The following KCNAB1 variants were observed in gnomAD, a reference collection of about 807,000 sequenced individuals.
The protein encoded by KCNAB1 is potassium voltage-gated channel subfamily A regulatory beta subunit 1.
KCNAB1 carries 35 observed loss-of-function variants against 64.6 expected under a neutral mutation model. The ratio of observed to expected loss-of-function variants is 0.54; its 90% confidence interval spans 0.41 to 0.72. KCNAB1 has a LOEUF of 0.72. Among genes scored for constraint, KCNAB1 ranks in the 30% least tolerant of loss-of-function variants. The pLI is 0.00. For synonymous variants in KCNAB1, 177 were observed against 183.8 expected, an observed-to-expected ratio of 0.96 and a Z score of 0.30; for missense variants, 401 against 512.9, an observed-to-expected ratio of 0.78 and a Z score of 2.11.
intron 2 of KCNAB1, among the ~76,000 whole-genome samples, chr3:156,451,459 A>G (rs1453838979): frequency 6.6e-6 from 1 of 152,206 alleles, no homozygotes; most frequent in Non-Finnish European, 1.5e-5. Context: ...TCTTGAAGCC[A>G]GTCCGTTTGG....
chr3:156,223,902 A>C (rs1157040753), intron 1 of KCNAB1, among the ~76,000 whole-genome samples: 1 of 152,176 alleles, frequency 6.6e-6, no homozygotes, highest in Non-Finnish European at 1.5e-5. Context: ...GTCCTGCGCC[A>C]TGTGCCCGCA....
chr3:156,324,903 T>C (rs1722876619), intron 1 of KCNAB1, among the ~76,000 whole-genome samples: 1 of 152,100 alleles, frequency 6.6e-6, no homozygotes. Flanking sequence ...ACTAGAATCA[T>C]AGGTTTTCTT....
intron 1 of KCNAB1, among the ~76,000 whole-genome samples, chr3:156,251,751 C>A (rs997796103): frequency 1.8e-4 from 28 of 152,132 alleles, no homozygotes; most frequent in African/African-American, 6.8e-4. Flanking sequence ...AGCCAAAGAA[C>A]AAGAGGAATC....
intron 1 of KCNAB1, among the ~76,000 whole-genome samples, chr3:156,348,978 C>T (rs1348589312): frequency 6.6e-6 from 1 of 152,180 alleles, no homozygotes; most frequent in Non-Finnish European, 1.5e-5. Flanking sequence ...TTAGATCATG[C>T]TATCAGCCTA....
chr3:156,137,831 C>T (rs1264568459), intron 1 of KCNAB1, among the ~76,000 whole-genome samples: 2 of 151,830 alleles, frequency 1.3e-5, no homozygotes, highest in Admixed American at 1.3e-4. Flanking sequence ...GCTGGGATTA[C>T]AGGCGTGAGC....
At position 156,469,319 on chromosome 3, in the gene KCNAB1, C is replaced by T. The variant is rs571711288; in HGVS notation, c.571+3633C>T. Among the ~76,000 whole-genome samples the T allele has an allele frequency of 6.3e-5, 9 of 142,170 alleles. No homozygotes were observed. The East Asian group carries it at 1.3e-3, about 20-fold the overall frequency. 93.3% of individuals were successfully genotyped at this position (142,170 alleles called of 152,430 possible). A position where few individuals can be genotyped will look rare whatever the true frequency, so the allele number is the denominator to read the frequency against. On this transcript the variant is annotated intron_variant, in intron 7 of 13. Transcript: ENST00000490337. ...CCACCCAGGCTGGAGTGCAGTGGCA[C>T]GATCTCGGCTCACTGCAACCTCCGC...
At chr3:156,445,120 A>T (rs1003837807) in intron 2 of KCNAB1, among the ~76,000 whole-genome samples, 1 of 152,136 alleles carries the variant, frequency 6.6e-6, no homozygotes, top group African/African-American at 2.4e-5. Flanking sequence ...ACATGGTGAA[A>T]CCTTGTCTCT....
chr3:156,172,149 A>T lies in KCNAB1; in HGVS notation c.275+51263A>T, dbSNP rs570332561. ...TTTCTTCGTATCTGTATTCATCAGAAGTTGTTATTAAACCACATACTATGA... is the reference window on the plus strand; with the variant it reads ...TTTCTTCGTATCTGTATTCATCAGATGTTGTTATTAAACCACATACTATGA... On this transcript the variant is annotated intron_variant, in intron 1 of 13. Coordinates refer to ENST00000490337, the MANE Select transcript of KCNAB1 (RefSeq NM_172160.3). Among the ~76,000 whole-genome samples, 5 of 152,332 alleles carry T rather than the reference A, an allele frequency of 3.3e-5. No individual in the cohort carries two copies. In the East Asian group the frequency reaches 9.6e-4, roughly 29 times the overall value.
intron 1 of KCNAB1, among the ~76,000 whole-genome samples, chr3:156,137,712 A>ATTTTTTTT (rs66960245): frequency 7.1e-6 from 1 of 141,062 alleles, no homozygotes. Context: ...CGTCTGGCTA[A>ATTTTTTTT]TTTTTTTTTT....
At chr3:156,535,980 T>C (rs990138773) in intron 13 of KCNAB1, among the ~76,000 whole-genome samples, 1 of 152,192 alleles carries the variant, frequency 6.6e-6, no homozygotes, top group Non-Finnish European at 1.5e-5. Context: ...TATCCTGTTC[T>C]TAGCATCCCC....
intron 2 of KCNAB1, among the ~76,000 whole-genome samples, chr3:156,451,038 G>A (rs1404286517): frequency 6.6e-6 from 1 of 152,116 alleles, no homozygotes; most frequent in East Asian, 1.9e-4. Flanking sequence ...AGGAAGATGT[G>A]GAGGCTTTAA....
chr3:156,285,528 G>A (rs1049976849), intron 1 of KCNAB1, among the ~76,000 whole-genome samples: 1 of 148,116 alleles, frequency 6.8e-6, no homozygotes, highest in Admixed American at 6.8e-5. Flanking sequence ...GGATGGGGGG[G>A]TCTCACTTTG....
chr3:156,299,730 G>A (rs994429856), intron 1 of KCNAB1, among the ~76,000 whole-genome samples: 9 of 151,306 alleles, frequency 5.9e-5, no homozygotes, highest in African/African-American at 1.9e-4. Flanking sequence ...TTTTTTTCTT[G>A]GAATCGACAG....
intron 1 of KCNAB1, among the ~76,000 whole-genome samples, chr3:156,303,893 A>G (rs943848648): frequency 6.6e-6 from 1 of 152,238 alleles, no homozygotes; most frequent in Admixed American, 6.5e-5. Flanking sequence ...TGTTGACAGT[A>G]GAAAAGAAAA....
intron 8 of KCNAB1, among the ~76,000 whole-genome samples, chr3:156,505,026 C>A (rs1383907256): frequency 6.6e-6 from 1 of 152,008 alleles, no homozygotes; most frequent in Admixed American, 6.6e-5. Context: ...CTAGTAGTGT[C>A]ATAGCTTCAG....
intron 8 of KCNAB1, among the ~76,000 whole-genome samples, chr3:156,483,080 T>C (rs1714946455): frequency 6.6e-6 from 1 of 152,122 alleles, no homozygotes; most frequent in Non-Finnish European, 1.5e-5. Flanking sequence ...ACCCAGCTAC[T>C]TAAATCTTGG....
intron 1 of KCNAB1, among the ~76,000 whole-genome samples, chr3:156,265,935 T>C (rs1389026124): frequency 6.6e-6 from 1 of 152,132 alleles, no homozygotes; most frequent in Non-Finnish European, 1.5e-5. Flanking sequence ...GAGGTTGCAG[T>C]GAGTCGAGAT....
chr3:156,259,942 C>T (rs1718329935), intron 1 of KCNAB1, among the ~76,000 whole-genome samples: 2 of 152,190 alleles, frequency 1.3e-5, no homozygotes, highest in African/African-American at 4.8e-5. Context: ...CAGTGTTATG[C>T]CCAACGGGGA....
At chr3:156,181,053 C>T (rs1212132465) in intron 1 of KCNAB1, among the ~76,000 whole-genome samples, 3 of 152,280 alleles carry the variant, frequency 2.0e-5, no homozygotes, top group South Asian at 4.1e-4. Context: ...CCATCCTTTA[C>T]TCTGTGTCTG....
Sources: gnomAD v4.1 joint callset for allele counts (sites outside exome capture counted in the v4.1 genomes callset) on GRCh38, gnomAD v4.1.1 for gene constraint, MANE v1.5 for transcripts, NCBI Gene and HGNC (gene_info 2026-07-23, HGNC 2026-07-21) for gene names.